Variants in LRP5 observed in about 807,000 individuals in gnomAD.
The protein encoded by LRP5 is low-density lipoprotein receptor-related protein 5.
A neutral mutation model predicts 154.1 loss-of-function variants in LRP5; 62 were observed. That is an observed-to-expected ratio of 0.40 (90% CI 0.33 to 0.50). LRP5 has a LOEUF of 0.50. Ranked by LOEUF, LRP5 falls within the 20% of genes least tolerant of loss-of-function variation. The probability of loss-of-function intolerance (pLI) is 0.55; values close to 1 mark genes in which losing one functional copy is unlikely to be tolerated. For missense variants in LRP5, 1,915 were observed against 2,336.7 expected, an observed-to-expected ratio of 0.82 and a Z score of 3.72; for synonymous variants, 966 against 1,011.5, an observed-to-expected ratio of 0.96 and a Z score of 0.85.
chr11:68,344,849 CTTTTTTT>C (rs58477287), intron 1 of LRP5, among the ~76,000 whole-genome samples: 6 of 65,574 alleles, frequency 9.1e-5, no homozygotes, highest in East Asian at 4.1e-4. Flanking sequence ...GAATCTCTCT[CTTTTTTT>C]TTTTTTTTTT....
chr11:68,380,129 G>A (rs987942122), intron 5 of LRP5, among the ~76,000 whole-genome samples: 7 of 152,172 alleles, frequency 4.6e-5, no homozygotes, highest in South Asian at 2.1e-4. Flanking sequence ...GTGAAGCTTC[G>A]TCTCAAAAAC....
In LRP5 at chr11:68,420,884, T is replaced by G. The variant is rs568222631; in HGVS notation, c.3028-2605T>G. 2.0e-5 allele frequency among the ~76,000 whole-genome samples: 3 copies of G among 152,238 alleles called. No individual in the cohort carries two copies. The South Asian group carries it at 6.2e-4, about 32-fold the overall frequency. On this transcript the variant is annotated intron_variant, in intron 13 of 22. Coordinates refer to ENST00000294304, the MANE Select transcript of LRP5 (RefSeq NM_002335.4). ...GCGTGTTTGTGGTGTTGCATAGGAT[T>G]CTGGTAAGAAAGTTTGCACTAACCA...
At position 68,312,769 on chromosome 11, in the gene LRP5, CTG is replaced by C; in HGVS notation, c.56_57del (p.Leu19ProfsTer132). ...PWPLLLLLLL[L>X]LALCGCPAPA... ...GCCGCTGCTGCTGCTGCTGCTGCTG[CTG>C]CTGGCGCTGTGCGGCTGCCCGGCCC... On this transcript the variant is annotated frameshift_variant, in exon 1 of 23. Coordinates refer to ENST00000294304, the MANE Select transcript of LRP5 (RefSeq NM_002335.4). LOFTEE classifies it high-confidence loss of function. The C allele has an allele frequency of 9.2e-7, 1 of 1,091,232 alleles. No homozygotes were observed. The highest frequency in any genetic ancestry group is 1.1e-6 in the Non-Finnish European group (1 of 893,298). 67.6% of individuals were successfully genotyped at this position (1,091,232 alleles called of 1,614,324 possible).
At chr11:68,357,909 G>A (rs1011938081) in intron 3 of LRP5, 62 bp downstream of exon 3, 19 of 1,478,542 alleles carry the variant, frequency 1.3e-5, no homozygotes, top group South Asian at 7.2e-5. Flanking sequence ...TTTTGAAGGC[G>A]TTCCTTCTTA....
At chr11:68,440,822 A>T (rs1383616520) in intron 21 of LRP5, among the ~76,000 whole-genome samples, 2 of 151,680 alleles carry the variant, frequency 1.3e-5, no homozygotes, top group Non-Finnish European at 1.5e-5. Context: ...GCTTCAGTGC[A>T]ATGGTGTGAT....
At chr11:68,299,685 C>A in the LRP5 span, among the ~76,000 whole-genome samples, 6 of 149,766 alleles carry the variant, frequency 4.0e-5, no homozygotes, top group African/African-American at 1.5e-4. Context: ...TGGGTTCAAG[C>A]GATTCTCCTG....
chr11:68,400,793 G>A lies in LRP5; in HGVS notation c.1585-2690G>A, dbSNP rs537521603. On this transcript the variant is annotated intron_variant, in intron 7 of 22. Coordinates refer to ENST00000294304, the MANE Select transcript of LRP5 (RefSeq NM_002335.4). ...TGGCCAGGTGTGGCAGCTCATACCCGTAATCCCAGCACTTTGGAAGGAAGG... is the reference window on the plus strand; with the variant it reads ...TGGCCAGGTGTGGCAGCTCATACCCATAATCCCAGCACTTTGGAAGGAAGG... Among the ~76,000 whole-genome samples, 23 of 152,206 alleles carry A rather than the reference G, an allele frequency of 1.5e-4. No homozygotes were observed. In the South Asian group the frequency reaches 3.7e-3, roughly 25 times the overall value.
chr11:68,348,253 G>GC lies in LRP5; in HGVS notation c.488+11dup, dbSNP rs771667608. On this transcript the variant is annotated intron_variant, in intron 2 of 22. Coordinates refer to ENST00000294304, the MANE Select transcript of LRP5 (RefSeq NM_002335.4). Reference sequence around the variant, plus strand: ...TGGACCCCGCTCACGGGTAAACCCTGCTGCGACTCCACCTGGGTCCAGGGG... The same window carrying GC: ...TGGACCCCGCTCACGGGTAAACCCTGCCTGCGACTCCACCTGGGTCCAGGGG... 1.9e-4 allele frequency: 304 copies of GC among 1,602,844 alleles called. No individual in the cohort carries two copies. Among genetic ancestry groups the GC allele is most frequent in the Non-Finnish European group, 2.4e-4 (287 of 1,179,982 alleles).
chr11:68,396,630 G>A (rs575063009), intron 7 of LRP5, among the ~76,000 whole-genome samples: 7 of 152,310 alleles, frequency 4.6e-5, no homozygotes, highest in South Asian at 4.1e-4. Context: ...GAGCGGAGAC[G>A]GCGGATGGGT....
intron 3 of LRP5, among the ~76,000 whole-genome samples, chr11:68,358,264 C>T (rs559821959): frequency 4.6e-5 from 7 of 152,162 alleles, no homozygotes; most frequent in African/African-American, 9.6e-5. Context: ...TACAGGAGTG[C>T]GCCACCACAC....
upstream of LRP5, among the ~76,000 whole-genome samples, chr11:68,308,518 G>A (rs2098585368): frequency 6.6e-6 from 1 of 152,158 alleles, no homozygotes. Context: ...AGCTGTGACA[G>A]GCAACCGTCT....
rs1456736093 is a variant in LRP5 at position 68,423,413 on chromosome 11, G to A, written c.3028-76G>A. The A allele has an allele frequency of 1.3e-4, 178 of 1,402,490 alleles. No individual in the cohort carries two copies. The highest frequency in any genetic ancestry group is 1.6e-4 in the Non-Finnish European group (160 of 988,872). 86.9% of individuals were successfully genotyped at this position (1,402,490 alleles called of 1,614,324 possible). ...TCTCCACCAGTGCCCGGGGGTCTCC[G>A]CCAGTGCCAGGGGTCTCCGCCAGTG... On this transcript the variant is annotated intron_variant, in intron 13 of 22. Coordinates refer to ENST00000294304, the MANE Select transcript of LRP5 (RefSeq NM_002335.4). This position sits in a 1 kb window ranked among gnomAD's most constrained non-coding sequence, Gnocchi z 4.7.
In LRP5 at chr11:68,403,437, G is replaced by A; in HGVS notation, c.1585-46G>A. On this transcript the variant is annotated intron_variant, in intron 7 of 22. Transcript: ENST00000294304. ...GGCAGGGTCCGGGTTGGCTCTCGTT[G>A]GTGTGGCCCTGGCCCATCCAGACCT... 4 of 1,568,820 alleles carry A rather than the reference G, an allele frequency of 2.5e-6. No individual in the cohort carries two copies. The Middle Eastern group carries it at 5.0e-4, about 197-fold the overall frequency.
chr11:68,447,589 A>C lies in LRP5; in HGVS notation c.4586+1056A>C, dbSNP rs955270363. 6.6e-6 allele frequency among the ~76,000 whole-genome samples: 1 copy of C among 152,104 alleles called. No individual in the cohort carries two copies. The highest frequency in any genetic ancestry group is 2.4e-5 in the African/African-American group (1 of 41,414). On this transcript the variant is annotated intron_variant, in intron 22 of 22. Coordinates refer to ENST00000294304, the MANE Select transcript of LRP5 (RefSeq NM_002335.4). The surrounding 1 kb of genome is among the most constrained non-coding windows in gnomAD (Gnocchi z 4.3). The stretch of plus-strand genomic sequence containing the variant: ...CCACACTGGGCAGCCCAGTCTCGCT[A>C]GTTCCTCGTCCCACCTCCTGCCTTT...
At chr11:68,398,010 T>TGTG (rs1554968652) in intron 7 of LRP5, among the ~76,000 whole-genome samples, 4 of 39,508 alleles carry the variant, frequency 1.0e-4, no homozygotes, top group African/African-American at 1.4e-4. Context: ...GTGTGTGTGT[T>TGTG]TGCGTGCGCG....
intron 18 of LRP5, among the ~76,000 whole-genome samples, 175 bp downstream of exon 18, chr11:68,434,013 C>T (rs971689517): frequency 6.6e-6 from 1 of 152,238 alleles, no homozygotes; most frequent in East Asian, 1.9e-4. Flanking sequence ...TCCACCCATC[C>T]TGTCCCACCA....
chr11:68,344,638 AC>A (rs1228110644), intron 1 of LRP5, among the ~76,000 whole-genome samples: 1 of 150,858 alleles, frequency 6.6e-6, no homozygotes, highest in Non-Finnish European at 1.5e-5. Flanking sequence ...TTTAATTCCC[AC>A]CTGAAACTTG....
intron 5 of LRP5, among the ~76,000 whole-genome samples, chr11:68,369,195 C>T (rs377346822): frequency 1.3e-5 from 2 of 152,136 alleles, no homozygotes; most frequent in African/African-American, 2.4e-5. Flanking sequence ...CGCTATGGGG[C>T]GTTTCTGTTC....
chr11:68,300,673 G>A, the LRP5 span, among the ~76,000 whole-genome samples: 5 of 149,290 alleles, frequency 3.3e-5, no homozygotes, highest in African/African-American at 1.2e-4. Flanking sequence ...ACCCACCACA[G>A]GGGGACCTCG....
Sources: gnomAD v4.1 joint callset for allele counts (sites outside exome capture counted in the v4.1 genomes callset) on GRCh38, gnomAD v4.1.1 for gene constraint, Gnocchi (gnomAD v3.1) non-coding constraint, MANE v1.5 for transcripts, NCBI Gene and HGNC (gene_info 2026-07-23, HGNC 2026-07-21) for gene names.